Variants in GNE observed in about 807,000 individuals in gnomAD.
GNE encodes the protein bifunctional UDP-N-acetylglucosamine 2-epimerase/N-acetylmannosamine kinase.
GNE carries 41 observed loss-of-function variants against 61.8 expected under a neutral mutation model. That is an observed-to-expected ratio of 0.66 (90% CI 0.52 to 0.86). The LOEUF is 0.86. GNE is among the 40% of genes least tolerant of loss of function. The probability of loss-of-function intolerance (pLI) is 0.00; values close to 1 mark genes in which losing one functional copy is unlikely to be tolerated. For missense variants in GNE, 608 were observed against 909.1 expected (o/e 0.67, Z 4.26); for synonymous variants, 264 against 326.4 (o/e 0.81, Z 2.06).
chr9:36,238,033 GATATAGATGTAGAT>G (rs894485884), intron 3 of GNE, among the ~76,000 whole-genome samples: 51 of 151,896 alleles, frequency 3.4e-4, no homozygotes, highest in African/African-American at 7.2e-4. Context: ...CATAGATACA[GATATAGATGTAGAT>G]ATATAGATGT....
intron 1 of GNE, among the ~76,000 whole-genome samples, chr9:36,251,499 T>G (rs1351093499): frequency 6.6e-6 from 1 of 152,064 alleles, no homozygotes; most frequent in Non-Finnish European, 1.5e-5. Flanking sequence ...TCATAGCTCA[T>G]TGCAGCCTGG....
chr9:36,261,444 T>C (rs1001350173), upstream of GNE, among the ~76,000 whole-genome samples: 3 of 151,674 alleles, frequency 2.0e-5, no homozygotes, highest in African/African-American at 7.3e-5. Context: ...TCCCGGCTAC[T>C]TGGGAGGCCG....
chr9:36,224,375 G>A (rs1019067931), intron 7 of GNE, among the ~76,000 whole-genome samples: 4 of 151,936 alleles, frequency 2.6e-5, no homozygotes, highest in East Asian at 1.9e-4. Context: ...TTCAGGCTGC[G>A]GTGAGCTGAG....
In GNE at chr9:36,271,855, G is replaced by T. The variant is rs182070129; in HGVS notation, c.51+5039C>A. 1.6e-3 allele frequency among the ~76,000 whole-genome samples: 246 copies of T among 152,236 alleles called. 1 individual carries two copies. Among genetic ancestry groups the T allele is most frequent in the Non-Finnish European group, 2.7e-3 (181 of 68,022 alleles). The stretch of plus-strand genomic sequence containing the variant: ...TCAGATCATAAATTCCTTGAAGTTA[G>T]CCCTGTTTGGTATGCTTGTCTCCCT... On this transcript the variant is annotated intron_variant, in intron 1 of 11. Transcript: ENST00000396594.
chr9:36,245,988 G>T, intron 3 of GNE, 43 bp downstream of exon 3: 1 of 1,443,330 alleles, frequency 6.9e-7, no homozygotes, highest in South Asian at 1.1e-5. Flanking sequence ...AACATTTTCT[G>T]ACAAAAACAG....
intron 9 of GNE, among the ~76,000 whole-genome samples, chr9:36,222,417 T>A (rs1347822760): frequency 8.1e-5 from 4 of 49,554 alleles, no homozygotes; most frequent in African/African-American, 3.0e-4. Context: ...AGACTCCGTC[T>A]CAAAAAAAAA....
At chr9:36,219,792 T>C in intron 10 of GNE, 46 bp downstream of exon 10, 1 of 1,511,588 alleles carries the variant, frequency 6.6e-7, no homozygotes, top group Non-Finnish European at 9.2e-7. Flanking sequence ...TTTGAAGTAC[T>C]TGTCTACTAT....
In GNE at chr9:36,214,600, T is replaced by C. The variant is rs1441072228; in HGVS notation, c.*2765A>G. On this transcript the variant is annotated 3_prime_UTR_variant, in exon 12 of 12. Transcript: ENST00000642385. ...CCCATGAGTTTAATAAAAACTAATA[T>C]TTGGTTTTAGATTCAATACCATCCT... The C allele has an allele frequency of 2.6e-5, 4 of 152,214 alleles. No homozygotes were observed. Among genetic ancestry groups the C allele is most frequent in the Non-Finnish European group, 5.9e-5 (4 of 68,036 alleles). 9.4% of individuals were successfully genotyped at this position (152,214 alleles called of 1,614,324 possible).
chr9:36,243,688 T>G (rs1829744296), intron 3 of GNE, among the ~76,000 whole-genome samples: 1 of 151,954 alleles, frequency 6.6e-6, no homozygotes, highest in South Asian at 2.1e-4. Context: ...ACAAAAAAAT[T>G]TTAAAAATTA....
intron 10 of GNE, 81 bp downstream of exon 10, chr9:36,219,757 G>T: frequency 7.9e-7 from 1 of 1,272,748 alleles, no homozygotes; most frequent in Non-Finnish European, 1.1e-6. Context: ...TGGCTTCAGT[G>T]TTCAGCTGTC....
At chr9:36,253,993 C>T (rs1304892386) in intron 1 of GNE, among the ~76,000 whole-genome samples, 2 of 151,822 alleles carry the variant, frequency 1.3e-5, no homozygotes, top group African/African-American at 2.4e-5. Context: ...GCCGAGATTA[C>T]ACCATTGCAT....
chr9:36,234,179 G>T (rs1218635029), intron 4 of GNE, 47 bp from the exon 5 acceptor site: 10 of 1,458,842 alleles, frequency 6.9e-6, no homozygotes, highest in East Asian at 4.5e-5. Flanking sequence ...GTGAGATAAA[G>T]AAACCATTTT....
chr9:36,240,038 C>A (rs901920308), intron 3 of GNE, among the ~76,000 whole-genome samples: 1 of 151,996 alleles, frequency 6.6e-6, no homozygotes, highest in Non-Finnish European at 1.5e-5. Context: ...TTGCTGAATT[C>A]TTTTATAAGT....
chr9:36,260,890 A>C (rs866500706), upstream of GNE, among the ~76,000 whole-genome samples: 387 of 150,982 alleles, frequency 2.6e-3, 1 homozygote, highest in African/African-American at 8.8e-3. Context: ...AAAAAAAAAA[A>C]AAAAAAAAAA....
chr9:36,237,022 TAAG>T (rs745318787), intron 3 of GNE, 38 bp from the exon 4 acceptor site: 1 of 1,537,850 alleles, frequency 6.5e-7, no homozygotes, highest in South Asian at 1.1e-5. Context: ...CTTCATTAGT[TAAG>T]AATCTTAAAA....
upstream of GNE, among the ~76,000 whole-genome samples, chr9:36,259,419 T>G (rs1830535229): frequency 6.6e-6 from 1 of 152,160 alleles, no homozygotes; most frequent in African/African-American, 2.4e-5. Flanking sequence ...CATTAAAAAT[T>G]TACCACAGGT....
intron 3 of GNE, among the ~76,000 whole-genome samples, chr9:36,240,271 C>T (rs1292793106): frequency 6.6e-6 from 1 of 152,174 alleles, no homozygotes; most frequent in Non-Finnish European, 1.5e-5. Flanking sequence ...AACTTTTCCC[C>T]ATTCAGTATT....
intron 5 of GNE, among the ~76,000 whole-genome samples, chr9:36,232,899 G>A (rs569339606): frequency 1.4e-4 from 22 of 152,298 alleles, no homozygotes; most frequent in African/African-American, 5.3e-4. Context: ...CTAAATAAAT[G>A]AATTGAGGAA....
Position 36,218,387 on chromosome 9 carries a change from A to G in GNE, c.1817-88T>C. ...GGGCCTGTGGAAAGCAAGCCCCTAC[A>G]TGGGAAGACGGTGTTTTCTTTTCAC... On this transcript the variant is annotated intron_variant, in intron 10 of 11. Coordinates refer to ENST00000642385, the MANE Select transcript of GNE (RefSeq NM_005476.7). The surrounding 1 kb of genome is among the most constrained non-coding windows in gnomAD (Gnocchi z 4.1). 1 of 874,940 alleles carries G rather than the reference A, an allele frequency of 1.1e-6. No homozygotes were observed. Among genetic ancestry groups the G allele is most frequent in the African/African-American group, 1.6e-5 (1 of 61,294 alleles). The allele number at this position is 874,940 out of a possible 1,614,324, so 54.2% of individuals were successfully genotyped here.
Sources: gnomAD v4.1 joint callset for allele counts (sites outside exome capture counted in the v4.1 genomes callset) on GRCh38, gnomAD v4.1.1 for gene constraint, Gnocchi (gnomAD v3.1) non-coding constraint, MANE v1.5 for transcripts, NCBI Gene and HGNC (gene_info 2026-07-23, HGNC 2026-07-21) for gene names.